CTNNA3: variants seen among roughly 807,000 people sequenced by gnomAD.
CTNNA3 encodes catenin alpha-3.
CTNNA3 carries 76 observed loss-of-function variants against 95.7 expected under a neutral mutation model. The observed-to-expected ratio is 0.79, with a 90% CI of 0.66 to 0.96. CTNNA3 has a LOEUF of 0.96. CTNNA3 is among the 40% of genes least tolerant of loss of function. The probability of loss-of-function intolerance (pLI) is 0.00; values close to 1 mark genes in which losing one functional copy is unlikely to be tolerated. For missense variants in CTNNA3, 1,191 were observed against 1,089.8 expected (o/e 1.09, Z -1.31); for synonymous variants, 431 against 374.4 (o/e 1.15, Z -1.74).
At chr10:67,587,253 TCTCA>T (rs1216965568) in intron 3 of CTNNA3, among the ~76,000 whole-genome samples, 8 of 143,494 alleles carry the variant, frequency 5.6e-5, no homozygotes, top group Admixed American at 2.1e-4. Context: ...AGAGCCAGAG[TCTCA>T]CTATGTTGCC....
At chr10:66,595,167 A>G (rs1843671431) in intron 10 of CTNNA3, among the ~76,000 whole-genome samples, 1 of 151,996 alleles carries the variant, frequency 6.6e-6, no homozygotes, top group South Asian at 2.1e-4. Flanking sequence ...AACGACAACA[A>G]CAACCAAAAT....
Position 67,220,448 on chromosome 10 carries a change from A to T in CTNNA3, c.580-578T>A, listed in dbSNP as rs540958767. ...CCTTGTGCTGGACTCCAGTGTACAGATATGAAAAAATCCTACAAGGACCTT... is the reference window on the plus strand; with the variant it reads ...CCTTGTGCTGGACTCCAGTGTACAGTTATGAAAAAATCCTACAAGGACCTT... On this transcript the variant is annotated intron_variant, in intron 5 of 17. Coordinates refer to ENST00000433211, the MANE Select transcript of CTNNA3 (RefSeq NM_013266.4). 3.9e-5 allele frequency among the ~76,000 whole-genome samples: 6 copies of T among 152,356 alleles called. No individual in the cohort carries two copies. The East Asian group carries it at 9.6e-4, about 24-fold the overall frequency.
Position 66,079,577 on chromosome 10 carries a change from A to C in CTNNA3, c.1978-10088T>G, listed in dbSNP as rs1413206596. Among the ~76,000 whole-genome samples, 3 of 151,966 alleles carry C rather than the reference A, an allele frequency of 2.0e-5. No homozygotes were observed. The South Asian group carries it at 6.2e-4, about 31-fold the overall frequency. The stretch of plus-strand genomic sequence containing the variant: ...GATTTCCCTCCAAATTGTTTATGGA[A>C]ATTTGAAAATTTCATTCTATCTTTC... On this transcript the variant is annotated intron_variant, in intron 14 of 17. Transcript: ENST00000433211.
At chr10:66,599,426 A>G (rs866482686) in intron 10 of CTNNA3, among the ~76,000 whole-genome samples, 1 of 152,020 alleles carries the variant, frequency 6.6e-6, no homozygotes, top group Non-Finnish European at 1.5e-5. Flanking sequence ...TTTTGCAGTC[A>G]TGGCTGTACT....
At chr10:67,712,800 C>T (rs1414281343) in intron 1 of CTNNA3, among the ~76,000 whole-genome samples, 1 of 152,144 alleles carries the variant, frequency 6.6e-6, no homozygotes, top group Non-Finnish European at 1.5e-5. Context: ...GGATTAAAGA[C>T]TTAAATGTAA....
At position 66,604,490 on chromosome 10, in the gene CTNNA3, C is replaced by T. The variant is rs550168728; in HGVS notation, c.1374+17202G>A. Among the ~76,000 whole-genome samples, 103 of 152,224 alleles carry T rather than the reference C, an allele frequency of 6.8e-4. 1 individual carries two copies. Among genetic ancestry groups the T allele is most frequent in the Non-Finnish European group, 1.3e-3 (88 of 68,006 alleles). On this transcript the variant is annotated intron_variant, in intron 10 of 17. Coordinates refer to ENST00000433211, the MANE Select transcript of CTNNA3 (RefSeq NM_013266.4). ...TGGCTGCCACTGCTGCTGACATACG[C>T]GGATGAAGACAGATCCTGCTGTCAC... is the stretch of plus-strand genomic sequence containing the variant.
intron 5 of CTNNA3, among the ~76,000 whole-genome samples, chr10:67,308,810 A>G (rs1840665503): frequency 2.0e-5 from 3 of 152,218 alleles, no homozygotes; most frequent in Non-Finnish European, 4.4e-5. Flanking sequence ...GTCACTAGGA[A>G]CTGAGAGACC....
At chr10:66,987,661 A>G (rs1850809651) in intron 7 of CTNNA3, among the ~76,000 whole-genome samples, 1 of 152,204 alleles carries the variant, frequency 6.6e-6, no homozygotes, top group Non-Finnish European at 1.5e-5. Context: ...ACTTTGGAAC[A>G]CCATTTTTCC....
intron 4 of CTNNA3, among the ~76,000 whole-genome samples, chr10:67,533,337 A>G (rs961202321): frequency 9.9e-5 from 15 of 151,988 alleles, no homozygotes; most frequent in African/African-American, 3.6e-4. Context: ...AAAAAAAAAA[A>G]GAAATCCATA....
At chr10:66,918,473 G>A (rs899164366) in intron 7 of CTNNA3, among the ~76,000 whole-genome samples, 1 of 152,148 alleles carries the variant, frequency 6.6e-6, no homozygotes, top group Non-Finnish European at 1.5e-5. Context: ...CTTTGGGGCT[G>A]GATATTCTGC....
chr10:67,644,601 G>C (rs1158963767), intron 2 of CTNNA3, among the ~76,000 whole-genome samples: 4 of 151,814 alleles, frequency 2.6e-5, no homozygotes, highest in Non-Finnish European at 5.9e-5. Context: ...AATCCAGAAA[G>C]ATCAGTTATT....
intron 13 of CTNNA3, among the ~76,000 whole-genome samples, 154 bp from the exon 14 acceptor site, chr10:66,103,403 A>T (rs533232751): frequency 2.0e-5 from 3 of 152,356 alleles, no homozygotes; most frequent in Non-Finnish European, 2.9e-5. Context: ...AGGAAGGCAT[A>T]TGTCCACACA....
intron 10 of CTNNA3, among the ~76,000 whole-genome samples, chr10:66,540,227 C>T (rs1415464868): frequency 6.6e-6 from 1 of 152,084 alleles, no homozygotes; most frequent in East Asian, 1.9e-4. Flanking sequence ...TGTAGAAAAA[C>T]TAATTCTCTG....
chr10:66,158,744 G>T (rs947942137), intron 13 of CTNNA3, among the ~76,000 whole-genome samples: 1 of 151,938 alleles, frequency 6.6e-6, no homozygotes, highest in African/African-American at 2.4e-5. Context: ...TGGCAGTATG[G>T]TCATTTTCAC....
chr10:66,723,102 T>C (rs1848679204), intron 9 of CTNNA3, among the ~76,000 whole-genome samples: 1 of 152,052 alleles, frequency 6.6e-6, no homozygotes, highest in Non-Finnish European at 1.5e-5. Flanking sequence ...TGCTCCTGCC[T>C]AGCAAGAAAG....
chr10:67,144,736 T>C (rs190181443), intron 7 of CTNNA3, among the ~76,000 whole-genome samples: 214 of 152,324 alleles, frequency 1.4e-3, no homozygotes, highest in Non-Finnish European at 2.7e-3. Context: ...TTTGATCTTC[T>C]ATCCAGACCA....
intron 12 of CTNNA3, among the ~76,000 whole-genome samples, chr10:66,291,798 C>T (rs1011074727): frequency 1.3e-4 from 20 of 150,860 alleles, no homozygotes; most frequent in African/African-American, 4.6e-4. Context: ...GTGTATTTGG[C>T]ATATATATAC....
chr10:66,599,724 A>G (rs1292171284), intron 10 of CTNNA3, among the ~76,000 whole-genome samples: 4 of 151,888 alleles, frequency 2.6e-5, no homozygotes, highest in African/African-American at 7.2e-5. Context: ...AAACTGCACC[A>G]TAAGCAAAGA....
At chr10:67,651,736 C>T (rs1839883560) in intron 1 of CTNNA3, among the ~76,000 whole-genome samples, 1 of 151,722 alleles carries the variant, frequency 6.6e-6, no homozygotes, top group Non-Finnish European at 1.5e-5. Flanking sequence ...ATAGAAACAC[C>T]CTTTCTACAC....
Sources: allele counts gnomAD v4.1 joint callset (sites outside exome capture counted in the v4.1 genomes callset), GRCh38; gene constraint gnomAD v4.1.1; transcripts MANE v1.5; gene names NCBI Gene and HGNC (gene_info 2026-07-23, HGNC 2026-07-21).